The following VRK2 variants were observed in gnomAD, a reference collection of about 807,000 sequenced individuals.
VRK2 encodes the protein VRK serine/threonine kinase 2, also known as serine/threonine-protein kinase VRK2.
A neutral mutation model predicts 57.6 loss-of-function variants in VRK2; 60 were observed. The observed-to-expected ratio is 1.04, with a 90% confidence interval of 0.85 to 1.29. The LOEUF is 1.29. Among genes scored for constraint, VRK2 ranks in the 50% most tolerant of loss-of-function variants. The pLI is 0.00. For missense variants in VRK2, 705 were observed against 588.1 expected (o/e 1.20, Z -2.06); for synonymous variants, 231 against 199.2 (o/e 1.16, Z -1.35).
chr2:57,916,164 T>C (rs1670141730), intron 1 of VRK2, among the ~76,000 whole-genome samples: 1 of 151,966 alleles, frequency 6.6e-6, no homozygotes, highest in South Asian at 2.1e-4. Flanking sequence ...CCCAGCACTT[T>C]GGGAGGTCGA....
At chr2:58,090,982 A>G (rs778181872) in intron 7 of VRK2, among the ~76,000 whole-genome samples, 5 of 152,250 alleles carry the variant, frequency 3.3e-5, no homozygotes, top group Non-Finnish European at 5.9e-5. Flanking sequence ...AATTTCAACT[A>G]TATGACATTC....
intron 1 of VRK2, among the ~76,000 whole-genome samples, chr2:57,908,250 C>T (rs1207951499): frequency 3.3e-5 from 5 of 152,146 alleles, no homozygotes; most frequent in Non-Finnish European, 7.4e-5. Context: ...CCACACATCA[C>T]GTATGATTTA....
At chr2:57,994,602 C>A (rs543367495) in intron 1 of VRK2, among the ~76,000 whole-genome samples, 3 of 152,216 alleles carry the variant, frequency 2.0e-5, no homozygotes, top group Admixed American at 2.0e-4. Context: ...CAGGTCTTTG[C>A]AGGCAAGAAG....
chr2:57,978,827 G>C (rs1025176995), intron 1 of VRK2, among the ~76,000 whole-genome samples: 2 of 150,210 alleles, frequency 1.3e-5, no homozygotes, highest in Non-Finnish European at 2.9e-5. Context: ...AACAGGCCCT[G>C]GTGTATGTTG....
At chr2:58,148,553 CGTTT>C (rs957657439) in intron 12 of VRK2, among the ~76,000 whole-genome samples, 10 of 151,188 alleles carry the variant, frequency 6.6e-5, no homozygotes, top group East Asian at 3.9e-4. Context: ...GTTTTTTTGT[CGTTT>C]GTTTGTTTTT....
At chr2:57,944,633 G>A (rs1671202211) in intron 1 of VRK2, among the ~76,000 whole-genome samples, 1 of 152,170 alleles carries the variant, frequency 6.6e-6, no homozygotes. Flanking sequence ...CTACTCTGGA[G>A]GCTGAGGCAG....
chr2:58,141,493 T>TA (rs1309919548), intron 11 of VRK2, among the ~76,000 whole-genome samples: 4 of 151,782 alleles, frequency 2.6e-5, no homozygotes, highest in African/African-American at 7.3e-5. Context: ...TGATTATGAG[T>TA]AAAAAAAGCA....
intron 2 of VRK2, among the ~76,000 whole-genome samples, chr2:58,082,336 G>A (rs919849309): frequency 6.6e-6 from 1 of 151,734 alleles, no homozygotes; most frequent in African/African-American, 2.4e-5. Flanking sequence ...ATTTTCTTCT[G>A]TACTTTTTAG....
At chr2:58,105,898 G>A (rs555722272) in intron 7 of VRK2, among the ~76,000 whole-genome samples, 115 of 152,048 alleles carry the variant, frequency 7.6e-4, no homozygotes, top group African/African-American at 2.6e-3. Context: ...CACAGCCTAT[G>A]TATGTTGAAC....
intron 1 of VRK2, 190 bp from the exon 2 acceptor site, chr2:58,048,637 T>C: frequency 6.7e-7 from 1 of 1,495,676 alleles, no homozygotes; most frequent in Non-Finnish European, 9.0e-7. Context: ...TAGATCTCAG[T>C]ATTGTAATGT....
chr2:58,131,779 A>T (rs368276256), intron 8 of VRK2, 29 bp from the exon 9 acceptor site: 5 of 1,564,828 alleles, frequency 3.2e-6, no homozygotes, highest in East Asian at 2.3e-5. Context: ...CTTATCCCTT[A>T]TCTTTCTCTC....
chr2:58,025,055 AG>A (rs1159704547), intron 1 of VRK2, among the ~76,000 whole-genome samples: 2 of 152,144 alleles, frequency 1.3e-5, no homozygotes, highest in African/African-American at 4.8e-5. Flanking sequence ...TCTTTAGTTG[AG>A]CCATCCTTGT....
chr2:57,985,420 T>C (rs1418640192), intron 1 of VRK2, among the ~76,000 whole-genome samples: 3 of 152,056 alleles, frequency 2.0e-5, no homozygotes, highest in African/African-American at 7.2e-5. Flanking sequence ...AATCTGAAAT[T>C]CGTTAATATT....
intron 1 of VRK2, among the ~76,000 whole-genome samples, chr2:57,926,623 G>C (rs1670546715): frequency 6.6e-6 from 1 of 151,402 alleles, no homozygotes; most frequent in South Asian, 2.1e-4. Context: ...TCTTTTTACA[G>C]TTTTTGTCTT....
intron 2 of VRK2, among the ~76,000 whole-genome samples, chr2:58,065,935 T>G (rs1302370893): frequency 1.3e-5 from 2 of 152,026 alleles, no homozygotes; most frequent in Non-Finnish European, 2.9e-5. Context: ...GTATGTTGTG[T>G]GTTGTGTGTT....
intron 2 of VRK2, among the ~76,000 whole-genome samples, chr2:58,077,886 C>T (rs1670348505): frequency 6.6e-6 from 1 of 152,092 alleles, no homozygotes; most frequent in Admixed American, 6.6e-5. Flanking sequence ...TCTATACTTC[C>T]AGCAAAGAGA....
At chr2:57,908,737 A>G (rs2678905) in intron 1 of VRK2, among the ~76,000 whole-genome samples, 98,428 of 151,992 alleles carry the variant, frequency 0.65, 32,201 homozygotes, top group African/African-American at 0.76. Flanking sequence ...AGTAGTTTTT[A>G]ATGAGGCCAT....
chr2:57,955,147 C>T (rs1005185243), intron 1 of VRK2, among the ~76,000 whole-genome samples: 2 of 152,082 alleles, frequency 1.3e-5, no homozygotes, highest in Non-Finnish European at 2.9e-5. Context: ...TCAACATTGT[C>T]TCCTGAACAG....
At chr2:58,150,680 G>A (rs1421403328) in intron 12 of VRK2, among the ~76,000 whole-genome samples, 1 of 134,898 alleles carries the variant, frequency 7.4e-6, no homozygotes, top group Non-Finnish European at 1.6e-5. Context: ...TACTTATTTT[G>A]CATTTAATTT....
Sources: allele counts gnomAD v4.1 joint callset (sites outside exome capture counted in the v4.1 genomes callset), GRCh38; gene constraint gnomAD v4.1.1; transcripts MANE v1.5; gene names NCBI Gene and HGNC (gene_info 2026-07-23, HGNC 2026-07-21).